Variants in GALNT10 observed in about 807,000 individuals in gnomAD.
The protein encoded by GALNT10 is polypeptide N-acetylgalactosaminyltransferase 10.
GALNT10 carries 41 observed loss-of-function variants against 75.0 expected under a neutral mutation model. The ratio of observed to expected loss-of-function variants is 0.55; its 90% CI spans 0.43 to 0.71. The LOEUF (loss-of-function observed/expected upper bound fraction) is 0.71. GALNT10 is among the 30% of genes least tolerant of loss of function. The probability of loss-of-function intolerance (pLI) is 0.00; values close to 1 mark genes in which losing one functional copy is unlikely to be tolerated. For synonymous variants in GALNT10, 302 were observed against 313.0 expected, an observed-to-expected ratio of 0.96 and a Z score of 0.37; for missense variants, 727 against 818.5, an observed-to-expected ratio of 0.89 and a Z score of 1.36.
In GALNT10 at chr5:154,329,635, C is replaced by T. The variant is rs201614245; in HGVS notation, c.465C>T (p.Asn155=). The T allele has an allele frequency of 3.8e-5, 61 of 1,613,246 alleles. No homozygotes were observed. The highest frequency in any genetic ancestry group is 5.3e-5 in the African/African-American group (4 of 74,906). The change falls in exon 4 of 12, where the codon AAC becomes AAT. Residue 155 remains asparagine, a synonymous_variant. Transcript: ENST00000297107. ...CAAGCATCATCATCCCCTTCCACAA[C>T]GAGGGCTGGTCCTCCCTCCTCCGCA... is the stretch of plus-strand genomic sequence containing the variant. ...PNTSIIIPFH[N]EGWSSLLRTV...
Position 154,191,031 on chromosome 5 carries a change from T to C in GALNT10, c.159+6T>C. ...TGGCGCCGGCGGCGGGACAGGTGAG[T>C]CCCCCCGTTGCTACAGGCCGGGAAC... On this transcript the variant is annotated splice_donor_region_variant and intron_variant, in intron 1 of 11. Coordinates refer to ENST00000297107, the MANE Select transcript of GALNT10 (RefSeq NM_198321.4). 2 of 1,415,798 alleles carry C rather than the reference T, an allele frequency of 1.4e-6. No individual in the cohort carries two copies. Among genetic ancestry groups the C allele is most frequent in the South Asian group, 1.4e-5 (1 of 70,732 alleles). The allele number at this position is 1,415,798 out of a possible 1,614,324, so 87.7% of individuals were successfully genotyped here.
At position 154,416,795 on chromosome 5, in the gene GALNT10, T is replaced by C; in HGVS notation, c.1654-19T>C. 1 of 1,603,360 alleles carries C rather than the reference T, an allele frequency of 6.2e-7. No homozygotes were observed. Among genetic ancestry groups the C allele is most frequent in the Non-Finnish European group, 8.5e-7 (1 of 1,170,346 alleles). On this transcript the variant is annotated intron_variant, in intron 11 of 11. Coordinates refer to ENST00000297107, the MANE Select transcript of GALNT10 (RefSeq NM_198321.4). The surrounding 1 kb of genome is among the most constrained non-coding windows in gnomAD (Gnocchi z 4.5). ...CATGTCTCCAGTGCTGTCTGGCTTA[T>C]TACCTCCATGTTTTGTAGGACAAGA... is the stretch of plus-strand genomic sequence containing the variant.
intron 1 of GALNT10, among the ~76,000 whole-genome samples, chr5:154,249,315 G>A (rs974245700): frequency 6.6e-6 from 1 of 152,198 alleles, no homozygotes. Flanking sequence ...GGACCGCACT[G>A]TCCTAGGTGC....
chr5:154,339,942 C>T (rs1755007607), intron 4 of GALNT10, among the ~76,000 whole-genome samples: 1 of 152,198 alleles, frequency 6.6e-6, no homozygotes, highest in Non-Finnish European at 1.5e-5. Flanking sequence ...CTTAGGAAAG[C>T]TCCTGGGCCT....
intron 1 of GALNT10, among the ~76,000 whole-genome samples, chr5:154,261,229 G>T (rs1753693672): frequency 6.6e-6 from 1 of 151,936 alleles, no homozygotes; most frequent in Non-Finnish European, 1.5e-5. Context: ...AAGGAAGAGA[G>T]AAAGTTCTGA....
intron 1 of GALNT10, among the ~76,000 whole-genome samples, chr5:154,246,129 G>T (rs1753419766): frequency 7.3e-6 from 1 of 137,390 alleles, no homozygotes; most frequent in Non-Finnish European, 1.6e-5. Context: ...CCCTACAAAG[G>T]ACATGAATTC....
chr5:154,206,260 G>C (rs937513188), intron 1 of GALNT10, among the ~76,000 whole-genome samples: 1 of 152,122 alleles, frequency 6.6e-6, no homozygotes, highest in Non-Finnish European at 1.5e-5. Context: ...AAAAAAACCT[G>C]AGCCATTAGC....
At chr5:154,272,993 A>G (rs1274909028) in intron 1 of GALNT10, among the ~76,000 whole-genome samples, 1 of 152,060 alleles carries the variant, frequency 6.6e-6, no homozygotes, top group African/African-American at 2.4e-5. Context: ...TCTGGTGGTT[A>G]GGAAAGGGGG....
chr5:154,259,715 C>T (rs929273443), intron 1 of GALNT10, among the ~76,000 whole-genome samples: 6 of 152,104 alleles, frequency 3.9e-5, no homozygotes, highest in Non-Finnish European at 1.5e-5. Context: ...AAAATCATGG[C>T]TCTAGGTGTT....
intron 1 of GALNT10, among the ~76,000 whole-genome samples, chr5:154,227,552 A>G (rs948961582): frequency 7.9e-5 from 12 of 152,138 alleles, no homozygotes; most frequent in African/African-American, 2.4e-4. Context: ...TTCTATATAC[A>G]AGTATTTTAT....
At chr5:154,414,982 G>T (rs949575205) in intron 10 of GALNT10, among the ~76,000 whole-genome samples, 1 of 152,054 alleles carries the variant, frequency 6.6e-6, no homozygotes, top group African/African-American at 2.4e-5. Context: ...AATTAGCCAG[G>T]CGTGGTGGCA....
intron 1 of GALNT10, among the ~76,000 whole-genome samples, chr5:154,223,070 T>C (rs957885050): frequency 6.6e-6 from 1 of 152,216 alleles, no homozygotes; most frequent in Non-Finnish European, 1.5e-5. Flanking sequence ...AGTTTGGATA[T>C]TATTTTGCAT....
At chr5:154,300,931 C>A (rs773032338) in intron 3 of GALNT10, among the ~76,000 whole-genome samples, 1 of 152,194 alleles carries the variant, frequency 6.6e-6, no homozygotes, top group Non-Finnish European at 1.5e-5. Context: ...TGGGGATGAG[C>A]AAGAGCATTG....
At chr5:154,250,977 G>A (rs1753509929) in intron 1 of GALNT10, among the ~76,000 whole-genome samples, 1 of 152,126 alleles carries the variant, frequency 6.6e-6, no homozygotes, top group Admixed American at 6.6e-5. Flanking sequence ...ACACAAACAT[G>A]TCCAGGGACC....
chr5:154,366,761 G>GA (rs2113161513), intron 4 of GALNT10, among the ~76,000 whole-genome samples: 1 of 152,314 alleles, frequency 6.6e-6, no homozygotes, highest in African/African-American at 2.4e-5. Flanking sequence ...CAAGTCAACA[G>GA]AAAATGATTC....
intron 1 of GALNT10, among the ~76,000 whole-genome samples, chr5:154,225,249 T>C (rs1753043521): frequency 6.7e-6 from 1 of 149,310 alleles, no homozygotes; most frequent in East Asian, 2.0e-4. Flanking sequence ...CCCGCCACCA[T>C]GCCCGGCTAA....
intron 4 of GALNT10, among the ~76,000 whole-genome samples, chr5:154,351,983 A>G (rs1387988902): frequency 6.6e-6 from 1 of 152,238 alleles, no homozygotes; most frequent in Non-Finnish European, 1.5e-5. Flanking sequence ...CCCCAACAGG[A>G]AGACATTATC....
intron 1 of GALNT10, among the ~76,000 whole-genome samples, chr5:154,194,441 G>T (rs754203155): frequency 2.5e-4 from 38 of 152,170 alleles, no homozygotes; most frequent in Admixed American, 3.9e-4. Context: ...TCCTCTGTCT[G>T]CATGCCCAGG....
At chr5:154,391,023 T>C (rs1052147555) in intron 7 of GALNT10, among the ~76,000 whole-genome samples, 1 of 152,160 alleles carries the variant, frequency 6.6e-6, no homozygotes, top group Non-Finnish European at 1.5e-5. Context: ...AAGGGAGACT[T>C]TTCTCCCTGG....
Sources: gnomAD v4.1 joint callset for allele counts (sites outside exome capture counted in the v4.1 genomes callset) on GRCh38, gnomAD v4.1.1 for gene constraint, Gnocchi (gnomAD v3.1) non-coding constraint, MANE v1.5 for transcripts, NCBI Gene and HGNC (gene_info 2026-07-23, HGNC 2026-07-21) for gene names.